ANKS1B: variants seen among roughly 807,000 people sequenced by gnomAD.
The protein encoded by ANKS1B is ankyrin repeat and sterile alpha motif domain-containing protein 1B.
Under a neutral mutation model 148.3 loss-of-function variants are expected in ANKS1B, and 36 were observed. The observed-to-expected ratio is 0.24, with a 90% confidence interval of 0.19 to 0.32. ANKS1B has a LOEUF of 0.32. Among genes scored for constraint, ANKS1B ranks in the 10% least tolerant of loss-of-function variants. ANKS1B has a pLI of 1.00. For missense variants in ANKS1B, 1,157 were observed against 1,542.6 expected, an observed-to-expected ratio of 0.75 and a Z score of 4.19; for synonymous variants, 542 against 560.8, an observed-to-expected ratio of 0.97 and a Z score of 0.47.
intron 10 of ANKS1B, among the ~76,000 whole-genome samples, chr12:99,451,186 C>A (rs1182309493): frequency 1.3e-5 from 2 of 152,152 alleles, no homozygotes; most frequent in African/African-American, 2.4e-5. Flanking sequence ...TCCCTTACTA[C>A]ATATTAATTA....
intron 22 of ANKS1B, among the ~76,000 whole-genome samples, chr12:98,797,581 C>G (rs149174453): frequency 1.2e-3 from 182 of 152,200 alleles, no homozygotes; most frequent in Admixed American, 2.8e-3. Flanking sequence ...AAACTCAGTA[C>G]CTAAGTTAAA....
At chr12:98,817,229 A>C (rs2099148754) in intron 19 of ANKS1B, among the ~76,000 whole-genome samples, 1 of 152,242 alleles carries the variant, frequency 6.6e-6, no homozygotes. Flanking sequence ...CAAAGGCAGA[A>C]GAAAAAAGGG....
intron 9 of ANKS1B, among the ~76,000 whole-genome samples, chr12:99,571,916 C>A (rs1287090173): frequency 2.0e-5 from 3 of 152,088 alleles, no homozygotes; most frequent in Admixed American, 6.5e-5. Context: ...CTCTGGACTA[C>A]CCCCCAAATA....
At chr12:99,437,982 T>C (rs1055665773) in intron 11 of ANKS1B, among the ~76,000 whole-genome samples, 2 of 151,992 alleles carry the variant, frequency 1.3e-5, no homozygotes, top group African/African-American at 4.8e-5. Flanking sequence ...GCCCTCATAA[T>C]TGCCAAATAA....
chr12:99,895,288 G>A (rs1473251841), intron 1 of ANKS1B, among the ~76,000 whole-genome samples: 1 of 150,394 alleles, frequency 6.6e-6, no homozygotes, highest in Admixed American at 6.7e-5. Context: ...GGGTTCTCCA[G>A]AGAAACAGAA....
At chr12:98,767,088 G>T (rs1485479465) in intron 25 of ANKS1B, among the ~76,000 whole-genome samples, 7 of 151,904 alleles carry the variant, frequency 4.6e-5, no homozygotes, top group Non-Finnish European at 8.8e-5. Context: ...CAAAGTGCTG[G>T]GGATTACAGG....
chr12:98,841,301 C>T (rs554262816), intron 17 of ANKS1B, among the ~76,000 whole-genome samples: 13 of 152,236 alleles, frequency 8.5e-5, no homozygotes, highest in African/African-American at 3.1e-4. Flanking sequence ...GTAAAAGAAG[C>T]TCTAAGACAA....
chr12:99,107,361 C>T (rs182538444), intron 15 of ANKS1B, among the ~76,000 whole-genome samples: 89 of 152,232 alleles, frequency 5.8e-4, no homozygotes, highest in East Asian at 1.9e-4. Context: ...AGAAGCCAAT[C>T]TGAATGCCAG....
At chr12:99,968,018 G>A (rs535850594) in intron 1 of ANKS1B, among the ~76,000 whole-genome samples, 2 of 152,160 alleles carry the variant, frequency 1.3e-5, no homozygotes, top group South Asian at 4.2e-4. Flanking sequence ...ACTAAATTAT[G>A]AGACTTCTGA....
At chr12:99,499,668 T>C (rs2096637272) in intron 10 of ANKS1B, among the ~76,000 whole-genome samples, 1 of 151,860 alleles carries the variant, frequency 6.6e-6, no homozygotes, top group African/African-American at 2.4e-5. Flanking sequence ...GGCAGCGATA[T>C]GAGTATGGAT....
chr12:99,826,653 T>C (rs1239151540), intron 1 of ANKS1B, among the ~76,000 whole-genome samples: 1 of 152,196 alleles, frequency 6.6e-6, no homozygotes, highest in African/African-American at 2.4e-5. Flanking sequence ...ACTCCTAGTT[T>C]GCAGACGTTA....
chr12:99,016,875 GC>G (rs1027258186), intron 17 of ANKS1B, among the ~76,000 whole-genome samples: 2 of 152,168 alleles, frequency 1.3e-5, no homozygotes, highest in East Asian at 1.9e-4. Flanking sequence ...AACTGGGCCT[GC>G]CCCAGGGACT....
At chr12:98,946,212 C>T (rs979683168) in intron 17 of ANKS1B, among the ~76,000 whole-genome samples, 2 of 152,128 alleles carry the variant, frequency 1.3e-5, no homozygotes, top group Admixed American at 1.3e-4. Flanking sequence ...GTCATCTTTC[C>T]CCATCCCAAA....
At chr12:99,618,093 T>C (rs547825007) in intron 9 of ANKS1B, among the ~76,000 whole-genome samples, 4 of 152,294 alleles carry the variant, frequency 2.6e-5, no homozygotes, top group Non-Finnish European at 5.9e-5. Flanking sequence ...TTTGTGCTTC[T>C]TTCTGCCTAA....
intron 12 of ANKS1B, among the ~76,000 whole-genome samples, chr12:99,350,545 A>G (rs1439405482): frequency 1.3e-5 from 2 of 152,082 alleles, no homozygotes; most frequent in African/African-American, 2.4e-5. Context: ...GAAGCTGCTA[A>G]AAATTAGTAG....
At chr12:99,387,357 C>A (rs1435672653) in intron 12 of ANKS1B, among the ~76,000 whole-genome samples, 1 of 152,162 alleles carries the variant, frequency 6.6e-6, no homozygotes. Flanking sequence ...GTGGCTCACG[C>A]CTGTAATCCC....
intron 25 of ANKS1B, among the ~76,000 whole-genome samples, chr12:98,764,027 C>T (rs34860642): frequency 0.091 from 13,813 of 152,288 alleles, 834 homozygotes; most frequent in Non-Finnish European, 0.14. Context: ...GAACCACAGC[C>T]TAAGGTGGCT....
intron 9 of ANKS1B, 93 bp from the exon 10 acceptor site, chr12:99,504,734 T>C (rs566042520): frequency 9.2e-6 from 9 of 977,546 alleles, no homozygotes; most frequent in Admixed American, 3.3e-5. Context: ...GTTCATTAGT[T>C]CTTTCCAAAG....
chr12:99,145,675 G>A (rs1013155189), intron 15 of ANKS1B, among the ~76,000 whole-genome samples: 4 of 152,082 alleles, frequency 2.6e-5, no homozygotes, highest in Admixed American at 2.6e-4. Flanking sequence ...CAAACGGAGT[G>A]CTTTGAGGGC....
Sources: allele counts gnomAD v4.1 joint callset (sites outside exome capture counted in the v4.1 genomes callset), GRCh38; gene constraint gnomAD v4.1.1; transcripts MANE v1.5; gene names NCBI Gene and HGNC (gene_info 2026-07-23, HGNC 2026-07-21).